Variants in XKR6 observed in about 807,000 individuals in gnomAD.
XKR6 encodes XK-related protein 6.
Under a neutral mutation model 56.7 loss-of-function variants are expected in XKR6, and 22 were observed. The observed-to-expected ratio is 0.39, with a 90% CI of 0.28 to 0.55. The LOEUF is 0.55. Among genes scored for constraint, XKR6 ranks in the 20% least tolerant of loss-of-function variants. XKR6 has a pLI of 0.66. For synonymous variants in XKR6, 524 were observed against 387.8 expected (o/e 1.35, Z -4.13); for missense variants, 852 against 889.0 (o/e 0.96, Z 0.53).
At chr8:11,110,319 T>C (rs116162704) in intron 1 of XKR6, among the ~76,000 whole-genome samples, 4,509 of 152,212 alleles carry the variant, frequency 0.03, 244 homozygotes, top group African/African-American at 0.1. Flanking sequence ...ATTAAATACA[T>C]TACCAGCCAA....
intron 1 of XKR6, among the ~76,000 whole-genome samples, chr8:10,967,508 C>A (rs951498713): frequency 4.7e-4 from 72 of 152,218 alleles, no homozygotes; most frequent in African/African-American, 1.7e-3. Flanking sequence ...GTGGACAGTG[C>A]AGGCAGCACT....
At chr8:11,195,688 G>A (rs369422440) in intron 1 of XKR6, among the ~76,000 whole-genome samples, 3 of 146,756 alleles carry the variant, frequency 2.0e-5, no homozygotes, top group Admixed American at 6.8e-5. Flanking sequence ...TCGCTCTGTC[G>A]CCCAGGCTGG....
intron 1 of XKR6, among the ~76,000 whole-genome samples, chr8:11,056,447 G>A (rs1458191449): frequency 6.6e-6 from 1 of 152,204 alleles, no homozygotes; most frequent in Non-Finnish European, 1.5e-5. Context: ...TGTTCACCCG[G>A]AAAGTGTCAA....
intron 1 of XKR6, among the ~76,000 whole-genome samples, chr8:11,190,840 C>T (rs780563717): frequency 6.6e-6 from 1 of 152,146 alleles, no homozygotes; most frequent in Non-Finnish European, 1.5e-5. Flanking sequence ...ACTTTAAGCT[C>T]ACTTCTTCAT....
At chr8:10,978,735 C>A (rs1797654263) in intron 1 of XKR6, among the ~76,000 whole-genome samples, 1 of 152,230 alleles carries the variant, frequency 6.6e-6, no homozygotes, top group Non-Finnish European at 1.5e-5. Context: ...TCTGCTTCAG[C>A]CATAGACCCC....
At chr8:11,094,265 T>G (rs868101830) in intron 1 of XKR6, among the ~76,000 whole-genome samples, 2 of 152,204 alleles carry the variant, frequency 1.3e-5, no homozygotes, top group African/African-American at 4.8e-5. Flanking sequence ...CTCGGCTCAC[T>G]GCAACCTCTG....
chr8:11,000,057 A>G (rs181055600), intron 1 of XKR6, among the ~76,000 whole-genome samples: 59 of 152,332 alleles, frequency 3.9e-4, no homozygotes, highest in Admixed American at 2.9e-3. Context: ...AGGGCTGAAG[A>G]ACACCTAAGC....
chr8:10,992,254 C>G (rs1018039447), intron 1 of XKR6, among the ~76,000 whole-genome samples: 2 of 150,636 alleles, frequency 1.3e-5, no homozygotes, highest in African/African-American at 2.5e-5. Context: ...TAAACTAACT[C>G]TCTCTCTCTG....
At chr8:11,116,180 G>A (rs1219087154) in intron 1 of XKR6, among the ~76,000 whole-genome samples, 1 of 152,124 alleles carries the variant, frequency 6.6e-6, no homozygotes, top group Non-Finnish European at 1.5e-5. Context: ...AGTGAAACCC[G>A]TCCTCCTTTC....
intron 1 of XKR6, among the ~76,000 whole-genome samples, chr8:11,061,608 T>C (rs1479971546): frequency 6.6e-6 from 1 of 152,206 alleles, no homozygotes. Flanking sequence ...CATTCATTCA[T>C]TCATTCATTC....
At chr8:11,052,906 G>C (rs1425569393) in intron 1 of XKR6, among the ~76,000 whole-genome samples, 2 of 152,170 alleles carry the variant, frequency 1.3e-5, no homozygotes, top group East Asian at 3.9e-4. Context: ...AAAGCCTTCT[G>C]GGCTGTTGGG....
intron 1 of XKR6, among the ~76,000 whole-genome samples, chr8:10,976,133 G>T (rs1457991087): frequency 6.6e-6 from 1 of 151,838 alleles, no homozygotes; most frequent in East Asian, 1.9e-4. Context: ...CCGAGATCGT[G>T]CCACTGCACT....
At chr8:10,964,094 A>G (rs1334170158) in intron 1 of XKR6, among the ~76,000 whole-genome samples, 1 of 152,100 alleles carries the variant, frequency 6.6e-6, no homozygotes, top group Non-Finnish European at 1.5e-5. Flanking sequence ...TGTGCCTCAA[A>G]TGGGCTGTTC....
Position 11,009,314 on chromosome 8 carries a change from C to T in XKR6, c.765-84484G>A, listed in dbSNP as rs142638737. On this transcript the variant is annotated intron_variant, in intron 1 of 2. Transcript: ENST00000416569. ...TTGCTTGAGCCCAGGAGTTCAAGAC[C>T]GGCCTGGGTAACATGGAGAGACCCT... 1.5e-3 allele frequency among the ~76,000 whole-genome samples: 228 copies of T among 152,206 alleles called. 1 individual carries two copies. Among genetic ancestry groups the T allele is most frequent in the African/African-American group, 5.1e-3 (213 of 41,528 alleles).
intron 1 of XKR6, chr8:11,002,449 C>G (rs1798263816): frequency 2.4e-6 from 1 of 408,922 alleles, no homozygotes; most frequent in Non-Finnish European, 5.1e-6. Flanking sequence ...TTGCAGTTCT[C>G]TTCATCTCCA....
chr8:11,183,492 T>C (rs1803107116), intron 1 of XKR6, among the ~76,000 whole-genome samples: 2 of 151,878 alleles, frequency 1.3e-5, no homozygotes, highest in South Asian at 4.2e-4. Context: ...TTTTTTTTTT[T>C]TAACTTTTTG....
At chr8:11,013,529 G>A (rs1268023106) in intron 1 of XKR6, among the ~76,000 whole-genome samples, 1 of 152,170 alleles carries the variant, frequency 6.6e-6, no homozygotes, top group Non-Finnish European at 1.5e-5. Flanking sequence ...GGACTTAACT[G>A]TCTTTGTACC....
intron 1 of XKR6, among the ~76,000 whole-genome samples, chr8:11,044,280 G>C (rs1799354592): frequency 6.6e-6 from 1 of 152,174 alleles, no homozygotes; most frequent in African/African-American, 2.4e-5. Context: ...GGAACATAAA[G>C]TGCATGTTTG....
chr8:11,200,030 G>A lies in XKR6; in HGVS notation c.764+546C>T, dbSNP rs1356081338. 6.6e-6 allele frequency among the ~76,000 whole-genome samples: 1 copy of A among 152,186 alleles called. No individual in the cohort carries two copies. Among genetic ancestry groups the A allele is most frequent in the Non-Finnish European group, 1.5e-5 (1 of 68,024 alleles). On this transcript the variant is annotated intron_variant, in intron 1 of 2. Coordinates refer to ENST00000416569, the MANE Select transcript of XKR6 (RefSeq NM_173683.4). This position sits in a 1 kb window ranked among gnomAD's most constrained non-coding sequence, Gnocchi z 6.4. ...AAGCAGTGGTTTGGAGTCATTCACA[G>A]GGGCTGGGAGTGCAGGAGGGGGAAG...
Sources: gnomAD v4.1 joint callset for allele counts (sites outside exome capture counted in the v4.1 genomes callset) on GRCh38, gnomAD v4.1.1 for gene constraint, Gnocchi (gnomAD v3.1) non-coding constraint, MANE v1.5 for transcripts, NCBI Gene and HGNC (gene_info 2026-07-23, HGNC 2026-07-21) for gene names.